Variants in ATP2B2 observed in about 807,000 individuals in gnomAD.
ATP2B2 encodes ATPase plasma membrane Ca2+ transporting 2, also known as plasma membrane calcium-transporting ATPase 2.
A neutral mutation model predicts 120.0 loss-of-function variants in ATP2B2; 15 were observed. The ratio of observed to expected loss-of-function variants is 0.12; its 90% CI spans 0.08 to 0.19. ATP2B2 has a LOEUF of 0.19. Among genes scored for constraint, ATP2B2 ranks in the 10% least tolerant of loss-of-function variants. ATP2B2 has a pLI of 1.00. For missense variants in ATP2B2, 1,045 were observed against 1,719.8 expected (o/e 0.61, Z 6.94); for synonymous variants, 694 against 700.3 (o/e 0.99, Z 0.14).
At chr3:10,599,433 C>G (rs2068846557) in intron 2 of ATP2B2, among the ~76,000 whole-genome samples, 1 of 152,198 alleles carries the variant, frequency 6.6e-6, no homozygotes, top group Admixed American at 6.5e-5. Flanking sequence ...CAGGGGCTCC[C>G]TCCAGCCCCC....
Position 10,358,906 on chromosome 3 carries a change from C to T in ATP2B2, c.1921G>A (p.Gly641Arg), listed in dbSNP as rs1433214170. The change falls in exon 14 of 23, where the codon GGG (glycine) becomes AGG (arginine). Residue 641 changes from glycine to arginine, a missense_variant. Coordinates refer to ENST00000360273, the MANE Select transcript of ATP2B2 (RefSeq NM_001001331.4). The part of the protein sequence containing the change: ...VLKKCCKILN[G>R]AGEPRVFRPR... ...CGGAAGACACGAGGCTCTCCCGCCC[C>T]ATTGAGGATTTTGCAGCACCTAGGG... 1 of 1,613,902 alleles carries T rather than the reference C, an allele frequency of 6.2e-7. No individual in the cohort carries two copies. The highest frequency in any genetic ancestry group is 1.3e-5 in the African/African-American group (1 of 75,040).
intron 2 of ATP2B2, among the ~76,000 whole-genome samples, chr3:10,585,880 C>A (rs1328477821): frequency 2.6e-5 from 4 of 152,200 alleles, no homozygotes; most frequent in African/African-American, 4.8e-5. Flanking sequence ...TCCCTCTGTT[C>A]TGTCACTAGA....
At chr3:10,614,324 G>GTATCAAATAA (rs1181946015) in intron 2 of ATP2B2, among the ~76,000 whole-genome samples, 1 of 151,930 alleles carries the variant, frequency 6.6e-6, no homozygotes, top group Non-Finnish European at 1.5e-5. Context: ...TCATATAAAT[G>GTATCAAATAA]ATCTGGTACC....
chr3:10,332,262 G>A, intron 22 of ATP2B2: 2 of 548,314 alleles, frequency 3.6e-6, no homozygotes, highest in South Asian at 2.5e-5. Context: ...GGGGAAGTGG[G>A]AGCAGGAGGT....
intron 2 of ATP2B2, among the ~76,000 whole-genome samples, chr3:10,585,292 G>A (rs1011449415): frequency 5.3e-5 from 8 of 151,398 alleles, no homozygotes; most frequent in Non-Finnish European, 1.0e-4. Flanking sequence ...TCAGGAGATC[G>A]AGACCATCCT....
At chr3:10,547,976 C>T (rs1464387335) in intron 2 of ATP2B2, among the ~76,000 whole-genome samples, 2 of 152,224 alleles carry the variant, frequency 1.3e-5, no homozygotes, top group East Asian at 3.8e-4. Context: ...GGCAAGGAGT[C>T]TGGGCACTGC....
intron 2 of ATP2B2, among the ~76,000 whole-genome samples, chr3:10,546,973 G>A (rs1167807921): frequency 1.3e-5 from 2 of 152,232 alleles, no homozygotes; most frequent in Non-Finnish European, 2.9e-5. Flanking sequence ...CCAAGGCTCA[G>A]TTCTGCTGTG....
At position 10,622,802 on chromosome 3, in the gene ATP2B2, G is replaced by A. The variant is rs576176400; in HGVS notation, c.-459-2841C>T. 6.6e-5 allele frequency among the ~76,000 whole-genome samples: 10 copies of A among 152,314 alleles called. No individual in the cohort carries two copies. The East Asian group carries it at 7.7e-4, about 12-fold the overall frequency. On this transcript the variant is annotated intron_variant, in intron 1 of 21. Coordinates refer to the ATP2B2 transcript ENST00000646379. The stretch of plus-strand genomic sequence containing the variant: ...ACTGCCCCAGAAGAGCAGGATGCCC[G>A]TGGGATTATCCATGACTCAGGTGGG...
At chr3:10,501,834 C>T (rs2066407264) in intron 1 of ATP2B2, among the ~76,000 whole-genome samples, 1 of 152,168 alleles carries the variant, frequency 6.6e-6, no homozygotes, top group Admixed American at 6.5e-5. Flanking sequence ...CTCTGAGCGC[C>T]TATGTGCTCC....
chr3:10,443,556 G>T (rs781593119), intron 2 of ATP2B2, among the ~76,000 whole-genome samples: 2 of 151,750 alleles, frequency 1.3e-5, no homozygotes, highest in Non-Finnish European at 2.9e-5. Flanking sequence ...CGAAGCTGCC[G>T]GAGCCCCCAT....
At chr3:10,553,630 G>A (rs540372997) in intron 2 of ATP2B2, among the ~76,000 whole-genome samples, 29 of 152,240 alleles carry the variant, frequency 1.9e-4, no homozygotes, top group African/African-American at 6.8e-4. Context: ...GCCCTCAGAG[G>A]ATTGCAGAGC....
chr3:10,578,517 A>G (rs1045893487), intron 2 of ATP2B2, among the ~76,000 whole-genome samples: 1 of 151,202 alleles, frequency 6.6e-6, no homozygotes, highest in Non-Finnish European at 1.5e-5. Context: ...ACTGCACTCC[A>G]GCCTGGGTGA....
In ATP2B2 at chr3:10,354,070, G is replaced by T. The variant is rs370323567; in HGVS notation, c.2137-3493C>A. ...TTGCCCTGCTCATTCTGTCCCCTCT[G>T]CCTGGAATGCCCTTCCTCCCTTAGC... On this transcript the variant is annotated intron_variant, in intron 14 of 22. Coordinates refer to ENST00000360273, the MANE Select transcript of ATP2B2 (RefSeq NM_001001331.4). Among the ~76,000 whole-genome samples the T allele has an allele frequency of 1.1e-4, 16 of 152,262 alleles. No individual in the cohort carries two copies. In the East Asian group the frequency reaches 2.9e-3, roughly 28 times the overall value.
chr3:10,642,071 C>A (rs979162883), intron 1 of ATP2B2, among the ~76,000 whole-genome samples: 2 of 152,112 alleles, frequency 1.3e-5, no homozygotes, highest in African/African-American at 4.8e-5. Flanking sequence ...CTCATCCACC[C>A]CTCCACCCAT....
At chr3:10,685,524 ATGTG>A (rs148191924) in intron 1 of ATP2B2, among the ~76,000 whole-genome samples, 1 of 150,118 alleles carries the variant, frequency 6.7e-6, no homozygotes, top group Non-Finnish European at 1.5e-5. Flanking sequence ...GAGTGTGTGT[ATGTG>A]TGTGTGTGTG....
At chr3:10,478,507 T>G (rs2065285000) in intron 1 of ATP2B2, among the ~76,000 whole-genome samples, 1 of 152,188 alleles carries the variant, frequency 6.6e-6, no homozygotes, top group Non-Finnish European at 1.5e-5. Context: ...GTGTGTGGTG[T>G]GAGGTAGGGA....
At chr3:10,706,373 T>C (rs925272177) in intron 1 of ATP2B2, among the ~76,000 whole-genome samples, 9 of 152,172 alleles carry the variant, frequency 5.9e-5, no homozygotes, top group African/African-American at 2.2e-4. Context: ...CCTGGCGCCA[T>C]GGCTGGGTTT....
At chr3:10,620,521 GAAGGACGGTGCAGCTCCCGGGAGA>G (rs1280050225) in intron 1 of ATP2B2, among the ~76,000 whole-genome samples, 1 of 152,160 alleles carries the variant, frequency 6.6e-6, no homozygotes, top group Admixed American at 6.5e-5. Context: ...GGGAAACCTG[GAAGGACGGTGCAGCTCCCGGGAGA>G]AGTGAAAGCA....
intron 1 of ATP2B2, among the ~76,000 whole-genome samples, chr3:10,504,171 A>G (rs1575428642): frequency 6.6e-6 from 1 of 151,822 alleles, no homozygotes; most frequent in Non-Finnish European, 1.5e-5. Flanking sequence ...TGGACCCCCA[A>G]CCCCCCACAG....
Sources: gnomAD v4.1 joint callset for allele counts (sites outside exome capture counted in the v4.1 genomes callset) on GRCh38, gnomAD v4.1.1 for gene constraint, MANE v1.5 for transcripts, NCBI Gene and HGNC (gene_info 2026-07-23, HGNC 2026-07-21) for gene names.